Variants in BAZ2A observed in about 807,000 individuals in gnomAD.
BAZ2A encodes the protein bromodomain adjacent to zinc finger domain protein 2A.
In BAZ2A, 34 loss-of-function variants were observed where a neutral mutation model predicts 199.9. That is an observed-to-expected ratio of 0.17 (90% CI 0.13 to 0.23). BAZ2A has a LOEUF of 0.23. Ranked by LOEUF, BAZ2A falls within the 10% of genes least tolerant of loss-of-function variation. The probability of loss-of-function intolerance (pLI) is 1.00; values close to 1 mark genes in which losing one functional copy is unlikely to be tolerated. For synonymous variants in BAZ2A, 857 were observed against 883.9 expected (o/e 0.97, Z 0.54); for missense variants, 2,002 against 2,391.1 (o/e 0.84, Z 3.39).
chr12:56,618,161 C>A (rs1489681312), intron 1 of BAZ2A, among the ~76,000 whole-genome samples: 1 of 152,112 alleles, frequency 6.6e-6, no homozygotes, highest in Admixed American at 6.5e-5. Flanking sequence ...TACTTCTACT[C>A]TTTATGCTCC....
rs1886159970 is a variant in BAZ2A at position 56,599,254 on chromosome 12, G to A, written c.5277C>T (p.Arg1759=). 3 of 1,613,066 alleles carry A rather than the reference G, an allele frequency of 1.9e-6. No individual in the cohort carries two copies. In the African/African-American group the frequency reaches 4.0e-5, roughly 22 times the overall value. ...LNFSEGDGRR[R]RVLLRGRESP... is the part of the protein sequence containing the mutation. ...TTTCTCGGCCCCTCAACAGTACCCG[G>A]CGTCGGCGGCCATCACCCTCTGAGA... The change falls in exon 27 of 29, where the codon CGC becomes CGT. Residue 1759 remains arginine (R), a synonymous_variant. Transcript: ENST00000549884.
Position 56,611,568 on chromosome 12 carries a change from T to C in BAZ2A, c.1670+5A>G. Reference sequence around the variant, plus strand: ...TCAATAAATGTAGCAAACTAGAGCATTTACCCATGTTGGAGGGGAAGACGA... The same window carrying C: ...TCAATAAATGTAGCAAACTAGAGCACTTACCCATGTTGGAGGGGAAGACGA... On this transcript the variant is annotated splice_donor_5th_base_variant and intron_variant, in intron 7 of 28. Transcript: ENST00000549884. The C allele has an allele frequency of 6.2e-7, 1 of 1,611,156 alleles. No homozygotes were observed. The highest frequency in any genetic ancestry group is 8.5e-7 in the Non-Finnish European group (1 of 1,177,420).
intron 23 of BAZ2A, 85 bp downstream of exon 23, chr12:56,600,596 G>T (rs546806981): frequency 6.4e-7 from 1 of 1,572,166 alleles, no homozygotes; most frequent in South Asian, 1.2e-5. Flanking sequence ...CACCTGTGAA[G>T]TAGGGACCCA....
chr12:56,599,893 A>G (rs768403730), intron 25 of BAZ2A, 45 bp from the exon 26 acceptor site: 23 of 1,611,588 alleles, frequency 1.4e-5, no homozygotes, highest in African/African-American at 2.7e-5. Context: ...TCCAGCCTCT[A>G]CCTGCCAGTG....
In BAZ2A at chr12:56,611,764, G is replaced by C. The variant is rs201862765; in HGVS notation, c.1609+9C>G. 35 of 1,523,164 alleles carry C rather than the reference G, an allele frequency of 2.3e-5. No homozygotes were observed. The Admixed American group carries it at 7.6e-4, about 33-fold the overall frequency. 94.4% of individuals were successfully genotyped at this position (1,523,164 alleles called of 1,614,324 possible). A position where few individuals can be genotyped will look rare whatever the true frequency, so the allele number is the denominator to read the frequency against. Reference sequence around the variant, plus strand: ...CCAGACAGGGATAGAATAGAATCTGGATACTCACCACTACCAGAAGCAGTG... The same window carrying C: ...CCAGACAGGGATAGAATAGAATCTGCATACTCACCACTACCAGAAGCAGTG... On this transcript the variant is annotated intron_variant, in intron 6 of 28. Coordinates refer to ENST00000549884, the MANE Select transcript of BAZ2A (RefSeq NM_001300905.2).
At position 56,598,504 on chromosome 12, in the gene BAZ2A, G is replaced by A. The variant is rs1886059339; in HGVS notation, c.*114C>T. The A allele has an allele frequency of 7.4e-7, 1 of 1,353,504 alleles. No homozygotes were observed. The allele number at this position is 1,353,504 out of a possible 1,614,324, so 83.8% of individuals were successfully genotyped here. Reference sequence around the variant, plus strand: ...CTGCCAAGGGCAAGGTCAAAAATCAGGGTTGTATCTGACTTGAGTCTGGAC... The same window carrying A: ...CTGCCAAGGGCAAGGTCAAAAATCAAGGTTGTATCTGACTTGAGTCTGGAC... On this transcript the variant is annotated 3_prime_UTR_variant, in exon 29 of 29. Transcript: ENST00000549884.
chr12:56,606,335 T>C, intron 11 of BAZ2A, 23 bp from the exon 12 acceptor site: 1 of 1,613,398 alleles, frequency 6.2e-7, no homozygotes, highest in Non-Finnish European at 8.5e-7. Flanking sequence ...AGGGAAGTCA[T>C]TTCTCCTCAA....
Position 56,617,394 on chromosome 12 carries a change from CT to C in BAZ2A, c.136del (p.Ser46ValfsTer2). 1 of 1,597,754 alleles carries C rather than the reference CT, an allele frequency of 6.3e-7. No individual in the cohort carries two copies. Among genetic ancestry groups the C allele is most frequent in the South Asian group, 1.1e-5 (1 of 87,828 alleles). On this transcript the variant is annotated frameshift_variant and splice_region_variant, in exon 2 of 29. Transcript: ENST00000549884. LOFTEE classifies it high-confidence loss of function. ...SPMNFPQQGK[S>X]LNGDVNVNGL... ...CCAGGCCAAGCAGCCCTCACACTCA[CT>C]TTTCCCTTGCTGGGGGAAGTTCATG... is the stretch of plus-strand genomic sequence containing the variant.
chr12:56,633,135 C>T (rs963959314), upstream of BAZ2A, among the ~76,000 whole-genome samples: 1 of 152,144 alleles, frequency 6.6e-6, no homozygotes, highest in Non-Finnish European at 1.5e-5. Flanking sequence ...AAATTAGCAC[C>T]TGCACCCCCT....
chr12:56,611,656 G>A (rs775680448), intron 6 of BAZ2A, 23 bp from the exon 7 acceptor site: 6 of 1,587,058 alleles, frequency 3.8e-6, no homozygotes, highest in Non-Finnish European at 4.3e-6. Context: ...GGATACCCAA[G>A]TTAAGAGTTC....
At chr12:56,631,039 CTG>C (rs375894229), upstream of BAZ2A, among the ~76,000 whole-genome samples, 103 of 152,280 alleles carry the variant, frequency 6.8e-4, no homozygotes, top group Middle Eastern at 3.4e-3. Flanking sequence ...GGCTACATAA[CTG>C]TGTGAAAACT....
chr12:56,615,242 A>T lies in BAZ2A; in HGVS notation c.502T>A (p.Ser168Thr). 6.2e-7 allele frequency: 1 copy of T among 1,613,900 alleles called. No homozygotes were observed. The highest frequency in any genetic ancestry group is 8.5e-7 in the Non-Finnish European group (1 of 1,179,862). The change falls in exon 3 of 29, where the codon TCC becomes ACC. Residue 168 changes from serine (S) to threonine (T), a missense_variant. This residue lies in a region of BAZ2A where 641 missense variants were observed against 694.5 expected (regional missense o/e 0.92). Transcript: ENST00000549884. Reference protein sequence around the residue: ...LNFDSQELYDSFPDQNFEVMP... With the variant: ...LNFDSQELYDTFPDQNFEVMP... Reference sequence around the variant, plus strand: ...ACCTCAAAATTCTGGTCAGGAAAGGAATCATACAGTTCTTGTGAATCAAAG... The same window carrying T: ...ACCTCAAAATTCTGGTCAGGAAAGGTATCATACAGTTCTTGTGAATCAAAG...
intron 10 of BAZ2A, among the ~76,000 whole-genome samples, chr12:56,607,784 T>G (rs1005873695): frequency 6.6e-6 from 1 of 152,108 alleles, no homozygotes; most frequent in African/African-American, 2.4e-5. Context: ...AGGCTTTGAT[T>G]AAAATATGAG....
chr12:56,605,812 T>C lies in BAZ2A; in HGVS notation c.2493+18A>G. On this transcript the variant is annotated intron_variant, in intron 13 of 28. Transcript: ENST00000549884. Reference sequence around the variant, plus strand: ...GTCTTCCCAGCTGACCCAGGAACTGTTACTCTCTCCTCACTACCTGGTGGT... The same window carrying C: ...GTCTTCCCAGCTGACCCAGGAACTGCTACTCTCTCCTCACTACCTGGTGGT... 1 of 1,600,570 alleles carries C rather than the reference T, an allele frequency of 6.2e-7. No individual in the cohort carries two copies. The highest frequency in any genetic ancestry group is 8.5e-7 in the Non-Finnish European group (1 of 1,173,124).
At position 56,599,374 on chromosome 12, in the gene BAZ2A, A is replaced by T; in HGVS notation, c.5173-16T>A. The T allele has an allele frequency of 6.2e-7, 1 of 1,605,306 alleles. No homozygotes were observed. The highest frequency in any genetic ancestry group is 8.5e-7 in the Non-Finnish European group (1 of 1,176,504). On this transcript the variant is annotated splice_polypyrimidine_tract_variant and intron_variant, in intron 26 of 28. Coordinates refer to ENST00000549884, the MANE Select transcript of BAZ2A (RefSeq NM_001300905.2). ...CCTCCACCTGCTTAGTATAGGAAAC[A>T]GGTGAGATTAGCAACAGCTGGAGAT...
At chr12:56,624,333 C>G (rs997317100) in intron 1 of BAZ2A, among the ~76,000 whole-genome samples, 1 of 152,104 alleles carries the variant, frequency 6.6e-6, no homozygotes, top group African/African-American at 2.4e-5. Flanking sequence ...GGGGGCTACT[C>G]AAAGAAAACT....
rs771154229 is a variant in BAZ2A, at chr12:56,613,225, T to G, written c.925A>C (p.Ser309Arg). 6.2e-7 allele frequency: 1 copy of G among 1,613,878 alleles called. No individual in the cohort carries two copies. The highest frequency in any genetic ancestry group is 1.3e-5 in the African/African-American group (1 of 75,048). Residue 309 changes from serine (S) to arginine (R), a missense_variant, in exon 5 of 29, where the codon AGT (serine) becomes CGT (arginine). Ser to Arg is a moderately radical substitution (Grantham distance 110). Transcript: ENST00000549884. ...TCATCAATACCATATAGTCCTCCAC[T>G]CACTGGCTCTGTTTACAAGGGTAGA... The part of the protein sequence containing the change: ...PFNSLAPEPV[S>R]GGLYGIDDTE...
In BAZ2A at chr12:56,635,383, G is replaced by A. The variant is rs990743827; in HGVS notation, c.4+799C>T. Among the ~76,000 whole-genome samples, 1 of 152,222 alleles carries A rather than the reference G, an allele frequency of 6.6e-6. No individual in the cohort carries two copies. The highest frequency in any genetic ancestry group is 1.9e-4 in the East Asian group (1 of 5,170). Reference sequence around the variant, plus strand: ...GGCTCCTAGGAGGCCTAGGGGTGCAGGAGAGGGAACTCAAGGCCGAGCCTG... The same window carrying A: ...GGCTCCTAGGAGGCCTAGGGGTGCAAGAGAGGGAACTCAAGGCCGAGCCTG... On this transcript the variant is annotated intron_variant, in intron 1 of 29. Coordinates refer to the BAZ2A transcript ENST00000379441. The surrounding 1 kb of genome is among the most constrained non-coding windows in gnomAD (Gnocchi z 4.1).
At chr12:56,604,338 G>A (rs1265913116) in intron 15 of BAZ2A, 47 bp from the exon 16 acceptor site, 1 of 1,549,126 alleles carries the variant, frequency 6.5e-7, no homozygotes, top group Middle Eastern at 1.7e-4. Flanking sequence ...CAAAAAAAGG[G>A]AAAGGAGGCT....
Sources: allele counts gnomAD v4.1 joint callset (sites outside exome capture counted in the v4.1 genomes callset), GRCh38; gene constraint gnomAD v4.1.1; regional missense constraint gnomAD v4.1.1; non-coding constraint Gnocchi (gnomAD v3.1); transcripts MANE v1.5; gene names NCBI Gene and HGNC (gene_info 2026-07-23, HGNC 2026-07-21).